Variants in SLC6A12 observed in about 807,000 individuals in gnomAD.
SLC6A12 encodes solute carrier family 6 member 12.
In SLC6A12, 50 loss-of-function variants were observed where a neutral mutation model predicts 73.3. The ratio of observed to expected loss-of-function variants is 0.68; its 90% CI spans 0.54 to 0.86. The LOEUF is 0.86. Among genes scored for constraint, SLC6A12 ranks in the 40% least tolerant of loss-of-function variants. The pLI is 0.00. For missense variants in SLC6A12, 648 were observed against 772.8 expected (o/e 0.84, Z 1.92); for synonymous variants, 304 against 309.2 (o/e 0.98, Z 0.18).
intron 13 of SLC6A12, among the ~76,000 whole-genome samples, 174 bp downstream of exon 13, chr12:195,051 G>A (rs1939796848): frequency 6.6e-6 from 1 of 152,210 alleles, no homozygotes; most frequent in African/African-American, 2.4e-5. Context: ...CCATGAAAAT[G>A]CCAGGCTTCC....
chr12:184,622 C>G, the SLC6A12 span, among the ~76,000 whole-genome samples: 1 of 152,036 alleles, frequency 6.6e-6, no homozygotes, highest in South Asian at 2.1e-4. Flanking sequence ...TGGTGGCGGG[C>G]GCCTGTAGTC....
intron 5 of SLC6A12, among the ~76,000 whole-genome samples, chr12:202,477 T>C (rs915433894): frequency 2.0e-5 from 3 of 152,190 alleles, no homozygotes; most frequent in African/African-American, 7.2e-5. Flanking sequence ...AAGTGCTTGT[T>C]AAGCGCACAA....
chr12:187,064 G>A (rs977854053), downstream of SLC6A12, among the ~76,000 whole-genome samples: 2 of 152,242 alleles, frequency 1.3e-5, no homozygotes, highest in South Asian at 4.1e-4. Flanking sequence ...AACCAGGTGT[G>A]ACAGAAGTGG....
At chr12:196,344 A>G in intron 11 of SLC6A12, 83 bp from the exon 12 acceptor site, 1 of 1,485,182 alleles carries the variant, frequency 6.7e-7, no homozygotes, top group Non-Finnish European at 9.1e-7. Context: ...CCCCTGGCTC[A>G]TCCACACTGA....
chr12:211,874 T>C (rs990978104), intron 2 of SLC6A12, among the ~76,000 whole-genome samples, 152 bp downstream of exon 2: 5 of 152,226 alleles, frequency 3.3e-5, no homozygotes, highest in African/African-American at 9.6e-5. Flanking sequence ...CTACGTATTA[T>C]TGAAGTGCAT....
the SLC6A12 span, among the ~76,000 whole-genome samples, chr12:184,479 G>A: frequency 2.0e-5 from 3 of 152,220 alleles, no homozygotes; most frequent in Middle Eastern, 3.4e-3. Context: ...ACAAAAATTC[G>A]GTGGTTCATG....
Position 209,789 on chromosome 12 carries a change from G to C in SLC6A12, c.198C>G (p.Cys66Trp). The C allele has an allele frequency of 6.2e-7, 1 of 1,614,190 alleles. No individual in the cohort carries two copies. Among genetic ancestry groups the C allele is most frequent in the Non-Finnish European group, 8.5e-7 (1 of 1,180,032 alleles). The change falls in exon 3 of 16, where the codon TGC becomes TGG. Residue 66 changes from cysteine (C) to tryptophan (W), a missense_variant. Physicochemically the swap from Cys to Trp is radical, Grantham distance 215. Transcript: ENST00000684302. The part of the protein sequence containing the change: ...LGNVWRFPYL[C>W]YKNGGGAFFI... ...TGAACTCACCACCTCCGTTTTTGTA[G>C]CAGAGATAGGGAAACCTCCAGACAT...
intron 7 of SLC6A12, 190 bp from the exon 8 acceptor site, chr12:199,121 GTGAGATACACATCAGCA>G: frequency 2.8e-6 from 1 of 360,562 alleles, no homozygotes; most frequent in Non-Finnish European, 5.4e-6. Flanking sequence ...CCCCCAGGGT[GTGAGATACACATCAGCA>G]GGGGGAGGGT....
At chr12:187,676 G>A (rs144102131), downstream of SLC6A12, among the ~76,000 whole-genome samples, 1,041 of 144,986 alleles carry the variant, frequency 7.2e-3, 15 homozygotes, top group Non-Finnish European at 0.01. Context: ...CGACCCCAGC[G>A]GGTTACCACT....
Position 196,215 on chromosome 12 carries a change from G to A in SLC6A12, c.1235C>T (p.Pro412Leu). ...CCGCCCGCTCTTCCGGAGCTGCCTG[G>A]GGAACATGTCTATGGAGGCTGTCAC... Reference protein sequence around the residue: ...CLVTASIDMFPRQLRKSGRRE... With the variant: ...CLVTASIDMFLRQLRKSGRRE... Residue 412 changes from proline (P) to leucine (L), a missense_variant, in exon 12 of 16, where the codon CCC (proline) becomes CTC (leucine). Physicochemically the swap from Pro to Leu is moderately conservative, Grantham distance 98. Coordinates refer to ENST00000684302, the MANE Select transcript of SLC6A12 (RefSeq NM_001122848.3). The A allele has an allele frequency of 6.2e-7, 1 of 1,600,834 alleles. No individual in the cohort carries two copies. The highest frequency in any genetic ancestry group is 8.5e-7 in the Non-Finnish European group (1 of 1,175,058).
Position 198,010 on chromosome 12 carries a change from A to C in SLC6A12, c.847-7T>G. ...TGCCCGCATCCATCCACACCTACAC[A>C]AAACCCCAAGAAAGAGGTAGAGGCA... On this transcript the variant is annotated splice_region_variant and splice_polypyrimidine_tract_variant and intron_variant, in intron 8 of 15. Coordinates refer to ENST00000684302, the MANE Select transcript of SLC6A12 (RefSeq NM_001122848.3). The surrounding 1 kb of genome is among the most constrained non-coding windows in gnomAD (Gnocchi z 4.0). 1.2e-6 allele frequency: 2 copies of C among 1,612,578 alleles called. No homozygotes were observed. Among genetic ancestry groups the C allele is most frequent in the Non-Finnish European group, 1.7e-6 (2 of 1,178,908 alleles).
Position 196,865 on chromosome 12 carries a change from T to G in SLC6A12, c.1093A>C (p.Ile365Leu). 1 of 1,613,768 alleles carries G rather than the reference T, an allele frequency of 6.2e-7. No homozygotes were observed. The highest frequency in any genetic ancestry group is 8.5e-7 in the Non-Finnish European group (1 of 1,179,830). ...ATAGTCACAGCCTTGGGGAAGGCGA[T>G]GAAGGCCAGCCCAGGACCTGCCAGG... ...VAESGPGLAF[I>L]AFPKAVTMMP... Residue 365 changes from isoleucine to leucine, a missense_variant, in exon 11 of 16, where the codon ATC becomes CTC. Ile to Leu is a conservative substitution (Grantham distance 5). Coordinates refer to ENST00000684302, the MANE Select transcript of SLC6A12 (RefSeq NM_001122848.3).
At position 200,695 on chromosome 12, in the gene SLC6A12, T is replaced by C. The variant is rs770644826; in HGVS notation, c.667A>G (p.Ile223Val). ...LALCLLLAWVICYFCIWKGVK... is the reference protein window; with the variant it reads ...LALCLLLAWVVCYFCIWKGVK... ...CCCTTCCAGATGCAGAAATAGCAGA[T>C]GACCCAGGCGAGCAGGAGGCACAGG... is the stretch of plus-strand genomic sequence containing the variant. Residue 223 changes from isoleucine (I) to valine (V), a missense_variant, in exon 7 of 16, where the codon ATC becomes GTC. Physicochemically the swap from Ile to Val is conservative, Grantham distance 29. Transcript: ENST00000684302. 1.3e-5 allele frequency: 21 copies of C among 1,614,022 alleles called. No homozygotes were observed. In the Middle Eastern group the frequency reaches 4.9e-4, roughly 38 times the overall value.
chr12:199,657 G>C (rs1004109909), intron 7 of SLC6A12: 2 of 152,234 alleles, frequency 1.3e-5, no homozygotes, highest in African/African-American at 2.4e-5. Context: ...GGCTGCTGCG[G>C]GAACAGACTC....
Position 202,839 on chromosome 12 carries a change from C to T in SLC6A12, c.391G>A (p.Val131Ile). 1 of 1,613,948 alleles carries T rather than the reference C, an allele frequency of 6.2e-7. No individual in the cohort carries two copies. The highest frequency in any genetic ancestry group is 8.5e-7 in the Non-Finnish European group (1 of 1,179,886). The change falls in exon 5 of 16, where the codon GTC becomes ATC. Residue 131 changes from valine to isoleucine, a missense_variant. Transcript: ENST00000684302. ...ASVVIESYLN[V>I]YYIIILAWAL... The stretch of plus-strand genomic sequence containing the variant: ...CAGGCAAGGATGATGATGTAGTAGA[C>T]ATTCAAATATGACTCGATGACCACA...
intron 13 of SLC6A12, 38 bp downstream of exon 13, chr12:195,187 T>G: frequency 7.5e-7 from 1 of 1,325,660 alleles, no homozygotes; most frequent in Non-Finnish European, 1.1e-6. Context: ...ACGGTCTTTC[T>G]CCCACCCTGC....
chr12:210,478 C>T lies in SLC6A12; in HGVS notation c.-57-435G>A, dbSNP rs909804637. ...GCAAGGGTCAACGGGCAGGTGTGGC[C>T]GAAGTGACTGCATGGTTCTCTCCTA... On this transcript the variant is annotated intron_variant, in intron 2 of 15. Transcript: ENST00000684302. The T allele has an allele frequency of 1.2e-5, 10 of 829,570 alleles. No homozygotes were observed. The South Asian group carries it at 1.4e-4, about 11-fold the overall frequency. 51.4% of individuals were successfully genotyped at this position (829,570 alleles called of 1,614,324 possible). A position where few individuals can be genotyped will look rare whatever the true frequency, so the allele number is the denominator to read the frequency against.
chr12:191,221 G>A lies in SLC6A12; in HGVS notation c.1702-10C>T, dbSNP rs1939582110. The A allele has an allele frequency of 2.4e-6, 3 of 1,262,330 alleles. No homozygotes were observed. Among genetic ancestry groups the A allele is most frequent in the Admixed American group, 4.1e-5 (1 of 24,594 alleles). The allele number at this position is 1,262,330 out of a possible 1,614,324, so 78.2% of individuals were successfully genotyped here. A position where few individuals can be genotyped will look rare whatever the true frequency, so the allele number is the denominator to read the frequency against. On this transcript the variant is annotated splice_polypyrimidine_tract_variant and intron_variant, in intron 15 of 15. Coordinates refer to ENST00000684302, the MANE Select transcript of SLC6A12 (RefSeq NM_001122848.3). ...TGAGCTGACGCAGACGCTGTGGAGA[G>A]AAGAGGCAGGGATTTGGAGCTGATG...
At chr12:186,202 G>A (rs117035203), downstream of SLC6A12, among the ~76,000 whole-genome samples, 2,680 of 152,164 alleles carry the variant, frequency 0.018, 47 homozygotes, top group Middle Eastern at 0.095. Flanking sequence ...GGTGACTCTC[G>A]CGCTCTGGGA....
Sources: gnomAD v4.1 joint callset for allele counts (sites outside exome capture counted in the v4.1 genomes callset) on GRCh38, gnomAD v4.1.1 for gene constraint, Gnocchi (gnomAD v3.1) non-coding constraint, MANE v1.5 for transcripts, NCBI Gene and HGNC (gene_info 2026-07-23, HGNC 2026-07-21) for gene names.